SLC1A2: variants seen among roughly 807,000 people sequenced by gnomAD.
SLC1A2 encodes the protein solute carrier family 1 member 2, also known as excitatory amino acid transporter 2.
A neutral mutation model predicts 48.8 loss-of-function variants in SLC1A2; 15 were observed. The observed-to-expected ratio is 0.31, with a 90% CI of 0.21 to 0.47. The LOEUF is 0.47. SLC1A2 is among the 20% of genes least tolerant of loss of function. The probability of loss-of-function intolerance (pLI) is 0.99; values close to 1 mark genes in which losing one functional copy is unlikely to be tolerated. For missense variants in SLC1A2, 502 were observed against 730.5 expected, an observed-to-expected ratio of 0.69 and a Z score of 3.61; for synonymous variants, 279 against 272.6, an observed-to-expected ratio of 1.02 and a Z score of -0.23.
At chr11:35,315,455 T>C in intron 2 of SLC1A2, 1 of 286,296 alleles carries the variant, frequency 3.5e-6, no homozygotes, top group South Asian at 4.8e-5. Context: ...CTCCAACTTA[T>C]TTGAGGCTAT....
intron 1 of SLC1A2, among the ~76,000 whole-genome samples, chr11:35,339,371 C>G (rs1485031165): frequency 6.6e-6 from 1 of 152,194 alleles, no homozygotes; most frequent in South Asian, 2.1e-4. Flanking sequence ...TGGAACTATC[C>G]GTTCCACAGG....
intron 1 of SLC1A2, among the ~76,000 whole-genome samples, chr11:35,325,950 G>A (rs1852233146): frequency 1.5e-5 from 2 of 132,522 alleles, no homozygotes; most frequent in South Asian, 5.3e-4. Context: ...GGCAACAAGG[G>A]TGAAATTCTA....
At chr11:35,390,024 T>C (rs1469690024) in intron 1 of SLC1A2, among the ~76,000 whole-genome samples, 1 of 152,236 alleles carries the variant, frequency 6.6e-6, no homozygotes, top group Non-Finnish European at 1.5e-5. Context: ...TTTGAAACTT[T>C]GATTTGTATT....
At chr11:35,261,357 A>G (rs1950391673) in intron 10 of SLC1A2, among the ~76,000 whole-genome samples, 1 of 152,194 alleles carries the variant, frequency 6.6e-6, no homozygotes, top group Non-Finnish European at 1.5e-5. Context: ...AGTTCTACTC[A>G]TGCATGTGAA....
intron 1 of SLC1A2, among the ~76,000 whole-genome samples, chr11:35,389,705 G>T (rs1854702384): frequency 1.3e-5 from 2 of 152,046 alleles, no homozygotes; most frequent in South Asian, 2.1e-4. Context: ...CCTGAACTCA[G>T]GTGATCCACC....
At chr11:35,413,113 A>G (rs1188855557) in intron 1 of SLC1A2, among the ~76,000 whole-genome samples, 1 of 152,200 alleles carries the variant, frequency 6.6e-6, no homozygotes, top group African/African-American at 2.4e-5. Context: ...CAATCTCTCA[A>G]TAACTTCCTT....
chr11:35,319,105 G>T (rs1176063334), intron 1 of SLC1A2, among the ~76,000 whole-genome samples: 1 of 152,134 alleles, frequency 6.6e-6, no homozygotes, highest in South Asian at 2.1e-4. Context: ...ACATATGTGT[G>T]CAATAACAAT....
chr11:35,321,916 T>C (rs1016405345), intron 1 of SLC1A2, among the ~76,000 whole-genome samples: 2 of 152,206 alleles, frequency 1.3e-5, no homozygotes, highest in South Asian at 2.1e-4. Flanking sequence ...TCGAGGCTAA[T>C]GCTCTCTGAC....
intron 1 of SLC1A2, among the ~76,000 whole-genome samples, chr11:35,382,681 A>G (rs1240714748): frequency 6.6e-6 from 1 of 152,156 alleles, no homozygotes; most frequent in African/African-American, 2.4e-5. Context: ...CTGTAGCCCC[A>G]GCTACATGGG....
intron 1 of SLC1A2, among the ~76,000 whole-genome samples, chr11:35,342,498 G>A (rs1852872362): frequency 6.7e-6 from 1 of 148,450 alleles, no homozygotes. Flanking sequence ...CAGATGTAAT[G>A]TACCTCTCAA....
At chr11:35,367,282 T>C (rs886875069) in intron 1 of SLC1A2, among the ~76,000 whole-genome samples, 2 of 152,182 alleles carry the variant, frequency 1.3e-5, no homozygotes, top group African/African-American at 4.8e-5. Flanking sequence ...GTGGCTGTTG[T>C]GGGAAAAAGA....
Position 35,268,581 on chromosome 11 carries a change from C to T in SLC1A2, c.1422-2823G>A, listed in dbSNP as rs191890934. The stretch of plus-strand genomic sequence containing the variant: ...TCAGGAGGCTGGGATGGGAGAATCA[C>T]TTGAACTGGGGAGGCAGAGGTTGCA... On this transcript the variant is annotated intron_variant, in intron 9 of 10. Transcript: ENST00000278379. Among the ~76,000 whole-genome samples, 483 of 151,384 alleles carry T rather than the reference C, an allele frequency of 3.2e-3. 5 individuals are homozygous for T. The highest frequency in any genetic ancestry group is 5.3e-3 in the Non-Finnish European group (360 of 67,902).
intron 1 of SLC1A2, among the ~76,000 whole-genome samples, chr11:35,338,727 C>A (rs565431115): frequency 2.0e-5 from 3 of 152,178 alleles, no homozygotes; most frequent in African/African-American, 7.2e-5. Flanking sequence ...TATCTCTAGA[C>A]TCTTTGGTTA....
At chr11:35,296,811 C>A (rs1851187971) in intron 6 of SLC1A2, among the ~76,000 whole-genome samples, 1 of 152,130 alleles carries the variant, frequency 6.6e-6, no homozygotes, top group East Asian at 1.9e-4. Context: ...ATCACTTCTA[C>A]CCCCATCACT....
chr11:35,268,339 T>C (rs1246478210), intron 9 of SLC1A2, among the ~76,000 whole-genome samples: 1 of 152,156 alleles, frequency 6.6e-6, no homozygotes, highest in Non-Finnish European at 1.5e-5. Flanking sequence ...GTAGTGATAA[T>C]GATGATGACA....
At chr11:35,370,948 A>G (rs1854038662) in intron 1 of SLC1A2, 10 of 985,224 alleles carry the variant, frequency 1.0e-5, no homozygotes, top group Non-Finnish European at 1.2e-5. Flanking sequence ...TGCCTTGCTT[A>G]TTTGGATAAA....
chr11:35,260,768 C>T lies in SLC1A2; in HGVS notation c.*126G>A, dbSNP rs1442884174. On this transcript the variant is annotated 3_prime_UTR_variant, in exon 11 of 11. Transcript: ENST00000278379. ...TCACAAGAGCTCCTCTAAGCCTCGG[C>T]TAACAGATTAAGTAAACATAGAAAT... is the stretch of plus-strand genomic sequence containing the variant. 2 of 729,256 alleles carry T rather than the reference C, an allele frequency of 2.7e-6. No homozygotes were observed. Among genetic ancestry groups the T allele is most frequent in the Non-Finnish European group, 4.8e-6 (2 of 420,186 alleles). The allele number at this position is 729,256 out of a possible 1,614,324, so 45.2% of individuals were successfully genotyped here.
chr11:35,310,796 A>G (rs939060924), intron 4 of SLC1A2, among the ~76,000 whole-genome samples: 1 of 152,180 alleles, frequency 6.6e-6, no homozygotes, highest in Non-Finnish European at 1.5e-5. Flanking sequence ...CTACTCAGCT[A>G]ACTCAGTGGT....
At chr11:35,306,038 C>G in intron 5 of SLC1A2, 36 bp downstream of exon 5, 5 of 1,603,750 alleles carry the variant, frequency 3.1e-6, no homozygotes, top group Non-Finnish European at 4.3e-6. Flanking sequence ...CAGCCATTGC[C>G]AGGGAAGCAG....
Sources: allele counts gnomAD v4.1 joint callset (sites outside exome capture counted in the v4.1 genomes callset), GRCh38; gene constraint gnomAD v4.1.1; transcripts MANE v1.5; gene names NCBI Gene and HGNC (gene_info 2026-07-23, HGNC 2026-07-21).